The following SPAG9 variants were observed in gnomAD, a reference collection of about 807,000 sequenced individuals.
SPAG9 encodes C-Jun-amino-terminal kinase-interacting protein 4.
In SPAG9, 35 loss-of-function variants were observed where a neutral mutation model predicts 166.5. The ratio of observed to expected loss-of-function variants is 0.21; its 90% confidence interval spans 0.16 to 0.28. SPAG9 has a LOEUF of 0.28. Ranked by LOEUF, SPAG9 falls within the 10% of genes least tolerant of loss-of-function variation. The probability of loss-of-function intolerance (pLI) is 1.00; values close to 1 mark genes in which losing one functional copy is unlikely to be tolerated. For synonymous variants in SPAG9, 534 were observed against 565.5 expected (o/e 0.94, Z 0.79); for missense variants, 1,235 against 1,603.3 (o/e 0.77, Z 3.92).
Position 51,051,706 on chromosome 17 carries a change from C to T in SPAG9, c.496-4237G>A, listed in dbSNP as rs548278715. ...CTGCACTCCAGCCTGGGCAACACAA[C>T]GAGACTCCCTCTTAAAAAAAAATCA... On this transcript the variant is annotated intron_variant, in intron 3 of 29. Coordinates refer to ENST00000262013, the MANE Select transcript of SPAG9 (RefSeq NM_001130528.3). 1.9e-4 allele frequency among the ~76,000 whole-genome samples: 29 copies of T among 152,148 alleles called. No individual in the cohort carries two copies. The East Asian group carries it at 5.4e-3, about 28-fold the overall frequency.
chr17:50,990,409 T>C (rs776116071), intron 20 of SPAG9, 41 bp downstream of exon 20: 1 of 1,428,542 alleles, frequency 7.0e-7, no homozygotes, highest in South Asian at 1.1e-5. Flanking sequence ...GAGTGTAGCC[T>C]TAGACTCTAT....
At chr17:51,051,134 G>A (rs2047172180) in intron 3 of SPAG9, among the ~76,000 whole-genome samples, 1 of 152,012 alleles carries the variant, frequency 6.6e-6, no homozygotes, top group South Asian at 2.1e-4. Context: ...TTTTGTGACG[G>A]AGGCTTGCTC....
In SPAG9 at chr17:50,993,868, T is replaced by C; in HGVS notation, c.2294A>G (p.His765Arg). Residue 765 changes from histidine to arginine, a missense_variant, in exon 19 of 30, where the codon CAT becomes CGT. His to Arg is a conservative substitution (Grantham distance 29). Coordinates refer to ENST00000262013, the MANE Select transcript of SPAG9 (RefSeq NM_001130528.3). ...AATAATAAGAACTTTTGTAGCCGAA[T>C]GAGTGCTGGTACAGATCCAAACTAG... ...SSLVWICTST[H>R]SATKVLIIDA... 6.2e-7 allele frequency: 1 copy of C among 1,614,196 alleles called. No homozygotes were observed. The highest frequency in any genetic ancestry group is 8.5e-7 in the Non-Finnish European group (1 of 1,180,012).
chr17:51,077,756 T>A (rs1426567107), intron 2 of SPAG9, among the ~76,000 whole-genome samples: 3 of 152,018 alleles, frequency 2.0e-5, no homozygotes, highest in Admixed American at 2.0e-4. Context: ...GCTCAAGTGA[T>A]CCTCCCACCT....
At chr17:51,081,420 C>T (rs1426082918) in intron 1 of SPAG9, among the ~76,000 whole-genome samples, 1 of 151,936 alleles carries the variant, frequency 6.6e-6, no homozygotes, top group Non-Finnish European at 1.5e-5. Context: ...CACTAAACTC[C>T]AGCCTGGGCG....
At chr17:50,990,809 T>C in intron 19 of SPAG9, 141 bp from the exon 20 acceptor site, 5 of 617,758 alleles carry the variant, frequency 8.1e-6, no homozygotes, top group Non-Finnish European at 1.4e-5. Flanking sequence ...TAAATTTACA[T>C]AAACAAATCT....
intron 2 of SPAG9, among the ~76,000 whole-genome samples, chr17:51,078,737 A>C (rs1158169688): frequency 6.6e-6 from 1 of 152,128 alleles, no homozygotes; most frequent in Non-Finnish European, 1.5e-5. Context: ...TTAAAAATAA[A>C]ATGATTCTGA....
intron 2 of SPAG9, among the ~76,000 whole-genome samples, chr17:51,069,815 T>A (rs767631825): frequency 6.6e-6 from 1 of 152,072 alleles, no homozygotes; most frequent in Non-Finnish European, 1.5e-5. Context: ...GAATGTTACA[T>A]GGGGGACAAA....
At chr17:51,107,875 A>C (rs1484055846) in intron 1 of SPAG9, among the ~76,000 whole-genome samples, 1 of 151,626 alleles carries the variant, frequency 6.6e-6, no homozygotes, top group Non-Finnish European at 1.5e-5. Flanking sequence ...TGATTGCAAC[A>C]CTGCTCTCCA....
chr17:50,970,481 C>A (rs1484711329), intron 29 of SPAG9, among the ~76,000 whole-genome samples: 2 of 149,134 alleles, frequency 1.3e-5, no homozygotes, highest in Non-Finnish European at 3.0e-5. Flanking sequence ...CCACTGCACT[C>A]CAGCCTGGGT....
chr17:51,101,345 CAAAAAAAAA>C (rs60896400), intron 1 of SPAG9, among the ~76,000 whole-genome samples: 60 of 91,970 alleles, frequency 6.5e-4, no homozygotes, highest in Non-Finnish European at 7.6e-4. Context: ...GATTCTGTCT[CAAAAAAAAA>C]AAAAAAAAAA....
At chr17:50,971,468 T>TC (rs1327896138) in intron 28 of SPAG9, among the ~76,000 whole-genome samples, 1 of 134,772 alleles carries the variant, frequency 7.4e-6, no homozygotes, top group Non-Finnish European at 1.6e-5. Context: ...CCTTTTTTTT[T>TC]TTTTTTTTTT....
chr17:50,978,716 G>A (rs903479205), intron 26 of SPAG9, among the ~76,000 whole-genome samples: 1 of 152,182 alleles, frequency 6.6e-6, no homozygotes, highest in Admixed American at 6.5e-5. Flanking sequence ...GAACTTCCCA[G>A]GTAGATGATA....
intron 3 of SPAG9, among the ~76,000 whole-genome samples, chr17:51,049,664 G>A (rs774614275): frequency 6.6e-6 from 1 of 152,164 alleles, no homozygotes; most frequent in African/African-American, 2.4e-5. Context: ...GGAGTACAGT[G>A]GCGCGATCTC....
At chr17:51,111,854 C>T (rs990023934) in intron 1 of SPAG9, among the ~76,000 whole-genome samples, 22 of 152,098 alleles carry the variant, frequency 1.4e-4, no homozygotes, top group Non-Finnish European at 2.8e-4. Context: ...TCCACCACCT[C>T]GGCCTCCCAA....
intron 9 of SPAG9, among the ~76,000 whole-genome samples, chr17:51,009,704 C>T (rs2045383173): frequency 6.6e-6 from 1 of 152,122 alleles, no homozygotes; most frequent in South Asian, 2.1e-4. Context: ...ATGTACAGAG[C>T]TTACTCTTAA....
At chr17:51,058,284 T>C (rs1366996678) in intron 2 of SPAG9, among the ~76,000 whole-genome samples, 2 of 152,336 alleles carry the variant, frequency 1.3e-5, no homozygotes, top group East Asian at 3.9e-4. Context: ...CAACATCAAG[T>C]GCTTACTATG....
At chr17:51,005,687 C>T (rs1264291354) in intron 11 of SPAG9, among the ~76,000 whole-genome samples, 2 of 152,200 alleles carry the variant, frequency 1.3e-5, no homozygotes, top group Non-Finnish European at 2.9e-5. Flanking sequence ...CCTGTCTCTA[C>T]TAACAGTACA....
intron 8 of SPAG9, among the ~76,000 whole-genome samples, chr17:51,017,519 T>TGAGAGAGA (rs60839678): frequency 2.7e-4 from 40 of 147,466 alleles, no homozygotes; most frequent in Middle Eastern, 3.6e-3. Context: ...AGAACCTGTC[T>TGAGAGAGA]GAGAGAGAGA....
Sources: gnomAD v4.1 joint callset for allele counts (sites outside exome capture counted in the v4.1 genomes callset) on GRCh38, gnomAD v4.1.1 for gene constraint, MANE v1.5 for transcripts, NCBI Gene and HGNC (gene_info 2026-07-23, HGNC 2026-07-21) for gene names.